OPCML: variants seen among roughly 807,000 people sequenced by gnomAD.
The protein encoded by OPCML is opioid binding protein/cell adhesion molecule like, also known as opioid-binding protein/cell adhesion molecule.
In OPCML, 13 loss-of-function variants were observed where a neutral mutation model predicts 37.8. The ratio of observed to expected loss-of-function variants is 0.34; its 90% CI spans 0.22 to 0.55. OPCML has a LOEUF of 0.55. Ranked by LOEUF, OPCML falls within the 20% of genes least tolerant of loss-of-function variation. The pLI, the probability that OPCML is intolerant of heterozygous loss-of-function variation, is 0.91. For synonymous variants in OPCML, 176 were observed against 168.8 expected (o/e 1.04, Z -0.33); for missense variants, 341 against 435.6 (o/e 0.78, Z 1.93).
At position 132,420,166 on chromosome 11, in the gene OPCML, G is replaced by A. The variant is rs754210361; in HGVS notation, c.*27C>T. ...AAGTCTGTGATATGGAGAAGCAGGC[G>A]TTGCTCAGAGGACCTAGGATTTCTT... On this transcript the variant is annotated 3_prime_UTR_variant, in exon 8 of 8. Transcript: ENST00000524381. 59 of 1,602,318 alleles carry A rather than the reference G, an allele frequency of 3.7e-5. No homozygotes were observed. The highest frequency in any genetic ancestry group is 2.7e-4 in the Admixed American group (16 of 59,924).
At chr11:133,001,757 C>A (rs907147755) in intron 1 of OPCML, among the ~76,000 whole-genome samples, 6 of 152,324 alleles carry the variant, frequency 3.9e-5, no homozygotes, top group African/African-American at 1.2e-4. Flanking sequence ...ATTGCCTCAG[C>A]CTCAGATCAC....
At chr11:132,956,417 C>T (rs575215763) in intron 1 of OPCML, among the ~76,000 whole-genome samples, 10 of 152,306 alleles carry the variant, frequency 6.6e-5, no homozygotes, top group East Asian at 5.8e-4. Context: ...CTTCTCATAA[C>T]GTATGTTTAC....
At chr11:133,307,455 A>G (rs1220072081) in intron 1 of OPCML, among the ~76,000 whole-genome samples, 1 of 152,220 alleles carries the variant, frequency 6.6e-6, no homozygotes, top group Non-Finnish European at 1.5e-5. Context: ...CATAATACAT[A>G]TATAAAAGAG....
intron 1 of OPCML, among the ~76,000 whole-genome samples, chr11:133,511,589 C>T (rs1296080960): frequency 2.6e-5 from 4 of 152,096 alleles, no homozygotes; most frequent in Non-Finnish European, 5.9e-5. Flanking sequence ...ACTCCTTTAC[C>T]CCTTTCACAT....
At chr11:133,261,192 G>A (rs888101023) in intron 1 of OPCML, among the ~76,000 whole-genome samples, 3 of 152,206 alleles carry the variant, frequency 2.0e-5, no homozygotes, top group South Asian at 2.1e-4. Context: ...TTTTGGGTGT[G>A]GGACCCAGGC....
At chr11:133,198,797 A>T (rs1297524942) in intron 1 of OPCML, among the ~76,000 whole-genome samples, 2 of 152,356 alleles carry the variant, frequency 1.3e-5, no homozygotes, top group East Asian at 3.9e-4. Context: ...GGCCTGGCAG[A>T]GGCTGCTTGA....
chr11:132,926,174 C>G (rs758583839), intron 2 of OPCML, among the ~76,000 whole-genome samples: 2 of 152,164 alleles, frequency 1.3e-5, no homozygotes, highest in East Asian at 3.9e-4. Context: ...GAGCACTCAT[C>G]ACTGTGTAAC....
chr11:133,201,058 TTATAAG>T (rs1938761767), intron 1 of OPCML, among the ~76,000 whole-genome samples: 1 of 152,090 alleles, frequency 6.6e-6, no homozygotes, highest in African/African-American at 2.4e-5. Flanking sequence ...ATATTCTCAC[TTATAAG>T]TAGGAGATAA....
At chr11:132,888,600 C>G (rs190668031) in intron 2 of OPCML, among the ~76,000 whole-genome samples, 8 of 152,276 alleles carry the variant, frequency 5.3e-5, no homozygotes, top group Non-Finnish European at 1.0e-4. Flanking sequence ...AAAGCTCTGT[C>G]TTAAATAAAT....
chr11:132,843,895 A>G (rs140325918), intron 2 of OPCML, among the ~76,000 whole-genome samples: 1 of 152,178 alleles, frequency 6.6e-6, no homozygotes, highest in African/African-American at 2.4e-5. Flanking sequence ...CTGGGTTTCA[A>G]ATAAGTGGTT....
rs1334834483 is a variant in OPCML at position 132,416,222 on chromosome 11, G to C, written c.*3971C>G. On this transcript the variant is annotated 3_prime_UTR_variant, in exon 8 of 8. Transcript: ENST00000524381. ...GTGTTGGTCTGTTTCATTTTGGACT[G>C]GTTTTAGGTAATGCATAGCCAGTTT... is the stretch of plus-strand genomic sequence containing the variant. The C allele has an allele frequency of 8.5e-5, 13 of 152,204 alleles. No homozygotes were observed. The highest frequency in any genetic ancestry group is 1.8e-4 in the Non-Finnish European group (12 of 68,036). 9.4% of individuals were successfully genotyped at this position (152,204 alleles called of 1,614,324 possible). A position where few individuals can be genotyped will look rare whatever the true frequency, so the allele number is the denominator to read the frequency against.
At chr11:132,655,664 G>T (rs1457959343) in intron 3 of OPCML, among the ~76,000 whole-genome samples, 2 of 152,192 alleles carry the variant, frequency 1.3e-5, no homozygotes, top group East Asian at 1.9e-4. Flanking sequence ...GCCAAGGACT[G>T]CTGGGGAACA....
chr11:132,531,836 T>C (rs6590638), intron 3 of OPCML, among the ~76,000 whole-genome samples: 35,936 of 151,796 alleles, frequency 0.24, 5,442 homozygotes, highest in East Asian at 0.46. Context: ...TTCACTTCTG[T>C]AAAGCAACAA....
Position 133,308,061 on chromosome 11 carries a change from C to T in OPCML, c.61+224203G>A, listed in dbSNP as rs140672727. ...GAAGAACTTTATATGCAATACCAAA[C>T]ACTTGAGCCTTTGTCTTATGGGCTC... On this transcript the variant is annotated intron_variant, in intron 1 of 7. Transcript: ENST00000524381. 4.1e-4 allele frequency among the ~76,000 whole-genome samples: 63 copies of T among 152,176 alleles called. No individual in the cohort carries two copies. The East Asian group carries it at 5.4e-3, about 13-fold the overall frequency.
intron 1 of OPCML, among the ~76,000 whole-genome samples, chr11:133,264,931 C>T (rs1049476192): frequency 6.6e-6 from 1 of 152,154 alleles, no homozygotes; most frequent in Non-Finnish European, 1.5e-5. Context: ...ACCACCTTTA[C>T]AGGTTTAGTG....
At chr11:133,033,782 C>T (rs1947716360) in intron 1 of OPCML, among the ~76,000 whole-genome samples, 2 of 152,184 alleles carry the variant, frequency 1.3e-5, no homozygotes, top group Admixed American at 1.3e-4. Flanking sequence ...TCCAGTCAAG[C>T]AAACCTAGAT....
intron 2 of OPCML, among the ~76,000 whole-genome samples, chr11:132,781,877 G>T (rs1947032813): frequency 6.7e-6 from 1 of 148,686 alleles, no homozygotes; most frequent in South Asian, 2.1e-4. Flanking sequence ...AGTATCCAAT[G>T]ACGTCTTCTA....
intron 1 of OPCML, among the ~76,000 whole-genome samples, chr11:132,961,395 A>G (rs546098422): frequency 6.6e-6 from 1 of 152,352 alleles, no homozygotes; most frequent in South Asian, 2.1e-4. Context: ...TAGTGTATAG[A>G]GTGTCTGACA....
rs2095942183 is a variant in OPCML at position 132,417,324 on chromosome 11, T to C, written c.*2869A>G. 1.3e-5 allele frequency: 2 copies of C among 152,254 alleles called. No individual in the cohort carries two copies. Among genetic ancestry groups the C allele is most frequent in the African/African-American group, 2.4e-5 (1 of 41,466 alleles). The allele number at this position is 152,254 out of a possible 1,614,324, so 9.4% of individuals were successfully genotyped here. ...ACACAAAAACACAGAAGCAGAAATA[T>C]GTCTGTTGTGAAGAAGTCATTTTCA... On this transcript the variant is annotated 3_prime_UTR_variant, in exon 8 of 8. Transcript: ENST00000524381.
Sources: allele counts gnomAD v4.1 joint callset (sites outside exome capture counted in the v4.1 genomes callset), GRCh38; gene constraint gnomAD v4.1.1; transcripts MANE v1.5; gene names NCBI Gene and HGNC (gene_info 2026-07-23, HGNC 2026-07-21).